PXDNL: variants seen among roughly 807,000 people sequenced by gnomAD.
PXDNL encodes the protein probable oxidoreductase PXDNL.
In PXDNL, 145 loss-of-function variants were observed where a neutral mutation model predicts 150.8. That is an observed-to-expected ratio of 0.96 (90% CI 0.84 to 1.10). PXDNL has a LOEUF of 1.10. PXDNL is among the 50% of genes least tolerant of loss of function. PXDNL has a pLI of 0.00. For synonymous variants in PXDNL, 757 were observed against 725.7 expected (o/e 1.04, Z -0.69); for missense variants, 2,087 against 1,873.9 (o/e 1.11, Z -2.10).
chr8:51,364,879 T>C (rs554274401), intron 19 of PXDNL, among the ~76,000 whole-genome samples: 18 of 152,376 alleles, frequency 1.2e-4, no homozygotes, highest in Middle Eastern at 6.8e-3. Context: ...TTATCCCTCA[T>C]GATAGGCTCT....
intron 4 of PXDNL, among the ~76,000 whole-genome samples, chr8:51,506,339 G>A (rs1304476746): frequency 6.6e-6 from 1 of 151,962 alleles, no homozygotes; most frequent in Non-Finnish European, 1.5e-5. Flanking sequence ...TCAGGAGATT[G>A]AGACCATCCT....
At chr8:51,768,322 T>G (rs912927833) in intron 1 of PXDNL, among the ~76,000 whole-genome samples, 1 of 152,020 alleles carries the variant, frequency 6.6e-6, no homozygotes, top group Admixed American at 6.6e-5. Flanking sequence ...TGCTCTGCCA[T>G]TCCAAAAGTG....
intron 1 of PXDNL, among the ~76,000 whole-genome samples, chr8:51,734,828 A>C (rs533328533): frequency 6.6e-6 from 1 of 152,378 alleles, no homozygotes; most frequent in Middle Eastern, 3.4e-3. Flanking sequence ...AAATCTGAGC[A>C]TGAAAGGCAA....
At chr8:51,366,724 G>A (rs1806930572) in intron 19 of PXDNL, among the ~76,000 whole-genome samples, 1 of 152,292 alleles carries the variant, frequency 6.6e-6, no homozygotes, top group Middle Eastern at 3.4e-3. Flanking sequence ...AGTGCACAGG[G>A]AGAAGGAGCA....
intron 1 of PXDNL, among the ~76,000 whole-genome samples, chr8:51,792,007 AG>A (rs2037517602): frequency 6.6e-6 from 1 of 152,214 alleles, no homozygotes; most frequent in Non-Finnish European, 1.5e-5. Context: ...AAATATTAAA[AG>A]AAAAATATAA....
chr8:51,586,837 G>GGTCAAGTTTCATTCTT (rs1813335504), intron 3 of PXDNL, among the ~76,000 whole-genome samples: 1 of 152,152 alleles, frequency 6.6e-6, no homozygotes, highest in Non-Finnish European at 1.5e-5. Context: ...TCAGAGCTGG[G>GGTCAAGTTTCATTCTT]CTAGTAGGAA....
At chr8:51,493,527 C>G (rs533187196) in intron 5 of PXDNL, among the ~76,000 whole-genome samples, 1 of 152,126 alleles carries the variant, frequency 6.6e-6, no homozygotes, top group Non-Finnish European at 1.5e-5. Context: ...AAGTTAAAAA[C>G]CTTGAAAAAA....
In PXDNL at chr8:51,345,877, G is replaced by T; in HGVS notation, c.3972C>A (p.Ser1324Arg). 1 of 1,613,444 alleles carries T rather than the reference G, an allele frequency of 6.2e-7. No individual in the cohort carries two copies. The change falls in exon 20 of 23, where the codon AGC becomes AGA. Residue 1324 changes from serine to arginine, a missense_variant. Ser to Arg is a moderately radical substitution (Grantham distance 110). Transcript: ENST00000356297. Reference protein sequence around the residue: ...ESQKKRSAQYSYPVDKDMELS... With the variant: ...ESQKKRSAQYRYPVDKDMELS... The stretch of plus-strand genomic sequence containing the variant: ...ACTCCATATCCTTATCAACAGGATA[G>T]CTGTATTGAGCTGAGCGTTTCTTTT...
intron 2 of PXDNL, among the ~76,000 whole-genome samples, chr8:51,627,802 T>C (rs1318109329): frequency 1.3e-5 from 2 of 152,210 alleles, no homozygotes; most frequent in Non-Finnish European, 2.9e-5. Context: ...TCCAGGGTCC[T>C]GGGCCCTGGT....
intron 17 of PXDNL, among the ~76,000 whole-genome samples, chr8:51,394,835 T>C (rs1336551649): frequency 6.6e-6 from 1 of 152,124 alleles, no homozygotes; most frequent in African/African-American, 2.4e-5. Context: ...CCTAGAAGTC[T>C]CTGCTCTGCC....
At chr8:51,736,593 A>T (rs1422304581) in intron 1 of PXDNL, among the ~76,000 whole-genome samples, 1 of 152,214 alleles carries the variant, frequency 6.6e-6, no homozygotes, top group Non-Finnish European at 1.5e-5. Context: ...ACCTGCTTGT[A>T]ACAAAGGCAA....
intron 1 of PXDNL, among the ~76,000 whole-genome samples, chr8:51,710,918 A>G (rs933835063): frequency 6.6e-6 from 1 of 152,208 alleles, no homozygotes; most frequent in Non-Finnish European, 1.5e-5. Flanking sequence ...CTCACACTCC[A>G]TGGTGAAAAA....
At chr8:51,617,792 T>C (rs1814161559) in intron 2 of PXDNL, among the ~76,000 whole-genome samples, 1 of 152,224 alleles carries the variant, frequency 6.6e-6, no homozygotes, top group Non-Finnish European at 1.5e-5. Flanking sequence ...GTTTAAGAGA[T>C]GCCCAGCAGA....
intron 1 of PXDNL, 70 bp from the exon 2 acceptor site, chr8:51,654,830 T>C (rs1299159937): frequency 5.7e-6 from 7 of 1,221,516 alleles, no homozygotes; most frequent in Non-Finnish European, 8.4e-6. Flanking sequence ...TCCAGAAGCT[T>C]GAAGGCTAAA....
At chr8:51,551,936 A>T (rs1358111519) in intron 4 of PXDNL, among the ~76,000 whole-genome samples, 3 of 152,206 alleles carry the variant, frequency 2.0e-5, no homozygotes, top group Non-Finnish European at 4.4e-5. Flanking sequence ...CTGACAAAGG[A>T]CTAACATCCA....
intron 3 of PXDNL, among the ~76,000 whole-genome samples, chr8:51,572,175 A>G (rs1005113612): frequency 6.6e-6 from 1 of 151,934 alleles, no homozygotes; most frequent in African/African-American, 2.4e-5. Flanking sequence ...AAAGTAATCA[A>G]TGCATAAATA....
chr8:51,666,973 C>T (rs1256407193), intron 1 of PXDNL, among the ~76,000 whole-genome samples: 5 of 152,138 alleles, frequency 3.3e-5, no homozygotes. Context: ...TTCTGTTTCC[C>T]TCCCTTAGGC....
intron 19 of PXDNL, among the ~76,000 whole-genome samples, chr8:51,362,971 GT>G: frequency 6.6e-6 from 1 of 152,160 alleles, no homozygotes; most frequent in South Asian, 2.1e-4. Flanking sequence ...TTACGGTTTG[GT>G]TTTGAGAGTC....
At chr8:51,356,052 C>T (rs1251368689) in intron 19 of PXDNL, among the ~76,000 whole-genome samples, 1 of 152,232 alleles carries the variant, frequency 6.6e-6, no homozygotes, top group Non-Finnish European at 1.5e-5. Context: ...AGTCTGAGCT[C>T]TATCCCTAGG....
Sources: gnomAD v4.1 joint callset for allele counts (sites outside exome capture counted in the v4.1 genomes callset) on GRCh38, gnomAD v4.1.1 for gene constraint, MANE v1.5 for transcripts, NCBI Gene and HGNC (gene_info 2026-07-23, HGNC 2026-07-21) for gene names.